EHBP1: variants seen among roughly 807,000 people sequenced by gnomAD.
The protein encoded by EHBP1 is EH domain binding protein 1, also known as EH domain-binding protein 1.
Under a neutral mutation model 144.0 loss-of-function variants are expected in EHBP1, and 55 were observed. The observed-to-expected ratio is 0.38, with a 90% confidence interval of 0.31 to 0.48. EHBP1 has a LOEUF of 0.48. EHBP1 is among the 20% of genes least tolerant of loss of function. The pLI is 0.98. For missense variants in EHBP1, 1,200 were observed against 1,364.2 expected (o/e 0.88, Z 1.90); for synonymous variants, 469 against 472.7 (o/e 0.99, Z 0.10).
chr2:62,863,856 T>G (rs1345859477), intron 8 of EHBP1, among the ~76,000 whole-genome samples: 4 of 140,126 alleles, frequency 2.9e-5, no homozygotes, highest in Admixed American at 7.1e-5. Context: ...TTTTTTTTTT[T>G]TTTTTTTTTA....
chr2:62,677,999 A>G (rs1295244468), intron 1 of EHBP1, among the ~76,000 whole-genome samples: 2 of 152,206 alleles, frequency 1.3e-5, no homozygotes, highest in African/African-American at 4.8e-5. Flanking sequence ...GTATATACCT[A>G]GCAGTGGGAT....
At chr2:62,867,044 A>G (rs1174937994) in intron 9 of EHBP1, among the ~76,000 whole-genome samples, 1 of 152,146 alleles carries the variant, frequency 6.6e-6, no homozygotes, top group Admixed American at 6.5e-5. Flanking sequence ...CCAAAAAAGC[A>G]AAATGATACT....
At chr2:62,964,285 G>A (rs566945419) in intron 14 of EHBP1, among the ~76,000 whole-genome samples, 1 of 152,214 alleles carries the variant, frequency 6.6e-6, no homozygotes, top group South Asian at 2.1e-4. Context: ...ATGAAGCTAG[G>A]GCTAGGTGTC....
intron 6 of EHBP1, among the ~76,000 whole-genome samples, chr2:62,829,480 T>G (rs1294540024): frequency 6.6e-6 from 1 of 151,786 alleles, no homozygotes; most frequent in Non-Finnish European, 1.5e-5. Context: ...ATTCCTGAGT[T>G]ACTTCACTTA....
intron 5 of EHBP1, among the ~76,000 whole-genome samples, chr2:62,790,926 A>G (rs1373457998): frequency 6.6e-6 from 1 of 152,068 alleles, no homozygotes; most frequent in Non-Finnish European, 1.5e-5. Context: ...GTTTTAAGTT[A>G]TAACTCACTA....
At chr2:62,965,467 T>C (rs2058205438) in intron 14 of EHBP1, among the ~76,000 whole-genome samples, 1 of 152,178 alleles carries the variant, frequency 6.6e-6, no homozygotes. Flanking sequence ...TGGCTTTCCT[T>C]TTTGTCACAA....
intron 7 of EHBP1, among the ~76,000 whole-genome samples, chr2:62,835,922 C>T (rs2152686328): frequency 6.6e-6 from 1 of 152,158 alleles, no homozygotes; most frequent in East Asian, 1.9e-4. Flanking sequence ...GGGAGGGGCG[C>T]CCGCCATTGC....
At chr2:62,913,242 A>G (rs1269592694) in intron 10 of EHBP1, among the ~76,000 whole-genome samples, 1 of 152,238 alleles carries the variant, frequency 6.6e-6, no homozygotes, top group African/African-American at 2.4e-5. Context: ...ACAAATAACC[A>G]AATAATCAGT....
intron 2 of EHBP1, among the ~76,000 whole-genome samples, chr2:62,736,615 C>T (rs2038163895): frequency 6.6e-6 from 1 of 152,144 alleles, no homozygotes; most frequent in Admixed American, 6.5e-5. Flanking sequence ...TACCAATAAA[C>T]CTATCAAGAT....
intron 2 of EHBP1, among the ~76,000 whole-genome samples, chr2:62,732,536 C>G (rs188563041): frequency 6.6e-6 from 1 of 152,066 alleles, no homozygotes; most frequent in Non-Finnish European, 1.5e-5. Flanking sequence ...TAAGAGTTCT[C>G]ATGAGATCTA....
intron 3 of EHBP1, among the ~76,000 whole-genome samples, chr2:62,763,770 T>G (rs1027794884): frequency 6.6e-5 from 10 of 152,194 alleles, no homozygotes; most frequent in Admixed American, 1.3e-4. Context: ...CTGGAGAAAC[T>G]GATGCTGTTC....
rs181340801 is a variant in EHBP1 at position 62,717,687 on chromosome 2, C to T, written c.104+10392C>T. Among the ~76,000 whole-genome samples the T allele has an allele frequency of 2.0e-4, 30 of 151,356 alleles. 1 individual carries two copies. Among genetic ancestry groups the T allele is most frequent in the Middle Eastern group, 3.4e-3 (1 of 292 alleles). ...TTTATTAATCCGGGTATTGTTATTT[C>T]GAAAATAGTTTTAATAAAGTTTTTT... On this transcript the variant is annotated intron_variant, in intron 2 of 22. Transcript: ENST00000431489.
intron 20 of EHBP1, among the ~76,000 whole-genome samples, 154 bp from the exon 21 acceptor site, chr2:63,038,589 A>G (rs1331913155): frequency 6.6e-6 from 1 of 152,156 alleles, no homozygotes; most frequent in African/African-American, 2.4e-5. Context: ...TCGACTGAGG[A>G]AGGTTTTAGG....
Position 63,024,457 on chromosome 2 carries a change from C to G in EHBP1, c.3104-13078C>G, listed in dbSNP as rs573241406. ...GTCTCTACAAATAACTTAAAATGAG[C>G]TCAGCATGGTGGCATGTGTTTGTGG... On this transcript the variant is annotated intron_variant, in intron 19 of 22. Transcript: ENST00000431489. 7.9e-5 allele frequency among the ~76,000 whole-genome samples: 12 copies of G among 152,102 alleles called. No individual in the cohort carries two copies. The South Asian group carries it at 2.3e-3, about 29-fold the overall frequency.
chr2:62,917,779 A>T (rs1339188158), intron 10 of EHBP1, among the ~76,000 whole-genome samples: 1 of 152,186 alleles, frequency 6.6e-6, no homozygotes, highest in African/African-American at 2.4e-5. Flanking sequence ...AGACTTTTTC[A>T]TTCTTGGACC....
chr2:62,867,317 T>C (rs2050121108), intron 9 of EHBP1, among the ~76,000 whole-genome samples: 1 of 152,134 alleles, frequency 6.6e-6, no homozygotes, highest in African/African-American at 2.4e-5. Context: ...GAGTTGACAA[T>C]TGTTTATATA....
At chr2:62,934,244 CAATT>C (rs1353999715) in intron 10 of EHBP1, among the ~76,000 whole-genome samples, 2 of 152,146 alleles carry the variant, frequency 1.3e-5, no homozygotes, top group South Asian at 4.1e-4. Context: ...AATTTAATCT[CAATT>C]AAGAGACTTC....
intron 19 of EHBP1, among the ~76,000 whole-genome samples, chr2:63,018,763 G>T (rs2060585111): frequency 6.6e-6 from 1 of 152,110 alleles, no homozygotes; most frequent in Non-Finnish European, 1.5e-5. Flanking sequence ...TGAACCTAAA[G>T]AATTAACACA....
At chr2:62,758,363 C>G (rs914124811) in intron 3 of EHBP1, among the ~76,000 whole-genome samples, 1 of 152,166 alleles carries the variant, frequency 6.6e-6, no homozygotes, top group Non-Finnish European at 1.5e-5. Context: ...CCCGCCTCAG[C>G]CTCCCAAAGT....
Sources: allele counts gnomAD v4.1 joint callset (sites outside exome capture counted in the v4.1 genomes callset), GRCh38; gene constraint gnomAD v4.1.1; transcripts MANE v1.5; gene names NCBI Gene and HGNC (gene_info 2026-07-23, HGNC 2026-07-21).